ZP2: variants seen among roughly 807,000 people sequenced by gnomAD.
The protein encoded by ZP2 is zona pellucida sperm-binding protein 2.
In ZP2, 51 loss-of-function variants were observed where a neutral mutation model predicts 84.0. That is an observed-to-expected ratio of 0.61 (90% CI 0.49 to 0.77). The LOEUF (loss-of-function observed/expected upper bound fraction) is 0.77. Ranked by LOEUF, ZP2 falls within the 30% of genes least tolerant of loss-of-function variation. The pLI, the probability that ZP2 is intolerant of heterozygous loss-of-function variation, is 0.00. For synonymous variants in ZP2, 375 were observed against 330.9 expected (o/e 1.13, Z -1.45); for missense variants, 909 against 911.9 (o/e 1.00, Z 0.04).
chr16:21,199,479 T>G, intron 16 of ZP2, 91 bp downstream of exon 16: 31 of 1,152,318 alleles, frequency 2.7e-5, no homozygotes, highest in Non-Finnish European at 3.5e-5. Flanking sequence ...AAATAAAGTA[T>G]GAGTTATACC....
intron 7 of ZP2, 148 bp downstream of exon 7, chr16:21,205,272 T>C: frequency 1.1e-6 from 1 of 904,924 alleles, no homozygotes; most frequent in Non-Finnish European, 1.7e-6. Context: ...GGATTACAGG[T>C]GTGAATACCC....
chr16:21,211,286 T>C (rs780981843), intron 2 of ZP2, 21 bp downstream of exon 2: 6 of 1,610,536 alleles, frequency 3.7e-6, no homozygotes, highest in Non-Finnish European at 4.2e-6. Flanking sequence ...TAAGAAGACT[T>C]CTGTCACCCA....
intron 9 of ZP2, 129 bp downstream of exon 9, chr16:21,203,901 T>C: frequency 1.1e-6 from 1 of 941,966 alleles, no homozygotes; most frequent in Admixed American, 2.0e-5. Context: ...ATGAGGCCTT[T>C]TGGAGTTTGA....
chr16:21,213,200 A>G (rs992801580), upstream of ZP2, among the ~76,000 whole-genome samples: 1 of 152,030 alleles, frequency 6.6e-6, no homozygotes, highest in African/African-American at 2.4e-5. Flanking sequence ...GCCCACCACC[A>G]AGCCCAGCTA....
chr16:21,203,928 A>G (rs773276290), intron 9 of ZP2, 102 bp downstream of exon 9: 1 of 1,305,514 alleles, frequency 7.7e-7, no homozygotes, highest in Middle Eastern at 1.8e-4. Flanking sequence ...TATGTTGGCA[A>G]TTAGAGCTCA....
At chr16:21,209,904 G>C in intron 3 of ZP2, 179 bp from the exon 4 acceptor site, 1 of 699,266 alleles carries the variant, frequency 1.4e-6, no homozygotes, top group Non-Finnish European at 2.5e-6. Flanking sequence ...AGGCTTCCCA[G>C]AGATGCTGGC....
intron 9 of ZP2, chr16:21,203,716 C>T: frequency 2.3e-6 from 1 of 440,786 alleles, no homozygotes; most frequent in East Asian, 4.7e-5. Flanking sequence ...GTTCGTTGAC[C>T]AGGACAGATT....
intron 7 of ZP2, among the ~76,000 whole-genome samples, 186 bp from the exon 8 acceptor site, chr16:21,204,590 A>G (rs1242096434): frequency 2.0e-5 from 3 of 152,252 alleles, no homozygotes; most frequent in African/African-American, 7.2e-5. Flanking sequence ...TTGTTCTAAC[A>G]TCTGGAAGAA....
chr16:21,202,878 C>T (rs2093232443), intron 10 of ZP2, among the ~76,000 whole-genome samples: 1 of 152,098 alleles, frequency 6.6e-6, no homozygotes, highest in South Asian at 2.1e-4. Context: ...GGTTCAGGCT[C>T]CTAAGCCAAA....
rs570449611 is a variant in ZP2 at position 21,198,690 on chromosome 16, C to T, written c.2011+89G>A. On this transcript the variant is annotated intron_variant, in intron 17 of 18. Transcript: ENST00000574091. ...ATTCTTCTATTGTTTAGACTCACCA[C>T]GGGTACATAGTATATGTAAGCACTG... The T allele has an allele frequency of 5.6e-5, 60 of 1,068,152 alleles. No homozygotes were observed. In the South Asian group the frequency reaches 6.5e-4, roughly 12 times the overall value. 66.2% of individuals were successfully genotyped at this position (1,068,152 alleles called of 1,614,324 possible). A position where few individuals can be genotyped will look rare whatever the true frequency, so the allele number is the denominator to read the frequency against.
chr16:21,209,814 C>T, intron 3 of ZP2, 89 bp from the exon 4 acceptor site: 2 of 1,190,082 alleles, frequency 1.7e-6, no homozygotes, highest in South Asian at 2.5e-5. Flanking sequence ...CAGTCCATTT[C>T]TAAGGTACTT....
intron 2 of ZP2, among the ~76,000 whole-genome samples, chr16:21,210,794 C>G (rs1167660523): frequency 6.6e-6 from 1 of 151,874 alleles, no homozygotes; most frequent in Non-Finnish European, 1.5e-5. Flanking sequence ...AGGCTGGTCT[C>G]AAACTCCTGA....
Position 21,202,011 on chromosome 16 carries a change from T to C in ZP2, c.1300A>G (p.Lys434Glu), listed in dbSNP as rs780774568. The change falls in exon 12 of 19, where the codon AAA becomes GAA. Residue 434 changes from lysine to glutamate, a missense_variant. Transcript: ENST00000574091. ...CGTRYKFEDD[K>E]VVYENEIHAL... ...TGTATTTCGTTTTCATAGACGACTT[T>C]ATCATCTTCGAACTTAAATGTCAGA... The C allele has an allele frequency of 3.1e-6, 5 of 1,613,978 alleles. No homozygotes were observed. Among genetic ancestry groups the C allele is most frequent in the African/African-American group, 1.3e-5 (1 of 74,930 alleles).
chr16:21,203,361 A>G, intron 9 of ZP2, 110 bp from the exon 10 acceptor site: 1 of 1,437,592 alleles, frequency 7.0e-7, no homozygotes, highest in Non-Finnish European at 9.5e-7. Flanking sequence ...CTCCAGACTT[A>G]TCTGGGCTCC....
chr16:21,208,946 G>A (rs2093262068), intron 4 of ZP2, among the ~76,000 whole-genome samples: 1 of 152,182 alleles, frequency 6.6e-6, no homozygotes, highest in South Asian at 2.1e-4. Flanking sequence ...TAGTGGTAGA[G>A]CCAGGGCTCA....
chr16:21,201,075 T>C (rs2093222651), intron 14 of ZP2, among the ~76,000 whole-genome samples: 1 of 152,156 alleles, frequency 6.6e-6, no homozygotes, highest in South Asian at 2.1e-4. Context: ...GGTGTGCCCC[T>C]GTAATCTCAG....
In ZP2 at chr16:21,199,885, G is replaced by C; in HGVS notation, c.1695-7C>G. On this transcript the variant is annotated splice_polypyrimidine_tract_variant and splice_region_variant and intron_variant, in intron 14 of 18. Coordinates refer to ENST00000574091, the MANE Select transcript of ZP2 (RefSeq NM_001376232.1). The stretch of plus-strand genomic sequence containing the variant: ...GTCCAGGTCATATGCACAGCTAGGA[G>C]GTATGCACCAGGGAGGGATGTCAGT... 3 of 1,612,228 alleles carry C rather than the reference G, an allele frequency of 1.9e-6. No homozygotes were observed. Among genetic ancestry groups the C allele is most frequent in the South Asian group, 2.2e-5 (2 of 90,982 alleles).
chr16:21,203,843 G>A, intron 9 of ZP2, 187 bp downstream of exon 9: 7 of 642,262 alleles, frequency 1.1e-5, no homozygotes, highest in East Asian at 2.8e-5. Context: ...TTTTGTGTTA[G>A]AGAATGAACT....
rs371774239 is a variant in ZP2 at position 21,205,667 on chromosome 16, T to C, written c.528+64A>G. ...GTCTAACAATTTATCAGGTTAAAGG[T>C]AATATCACCTTTAACATAGAATTAA... On this transcript the variant is annotated intron_variant, in intron 6 of 18. Transcript: ENST00000574091. The C allele has an allele frequency of 1.9e-6, 3 of 1,612,524 alleles. No homozygotes were observed. In the African/African-American group the frequency reaches 4.0e-5, roughly 22 times the overall value.
Sources: gnomAD v4.1 joint callset for allele counts (sites outside exome capture counted in the v4.1 genomes callset) on GRCh38, gnomAD v4.1.1 for gene constraint, MANE v1.5 for transcripts, NCBI Gene and HGNC (gene_info 2026-07-23, HGNC 2026-07-21) for gene names.